Variants in MDH2 observed in about 807,000 individuals in gnomAD.
MDH2 encodes malate dehydrogenase 2.
Under a neutral mutation model 33.6 loss-of-function variants are expected in MDH2, and 25 were observed. The ratio of observed to expected loss-of-function variants is 0.74; its 90% confidence interval spans 0.54 to 1.04. MDH2 has a LOEUF of 1.04. MDH2 is among the 50% of genes least tolerant of loss of function. The probability of loss-of-function intolerance (pLI) is 0.00; values close to 1 mark genes in which losing one functional copy is unlikely to be tolerated. For missense variants in MDH2, 432 were observed against 445.0 expected, an observed-to-expected ratio of 0.97 and a Z score of 0.26; for synonymous variants, 193 against 188.7, an observed-to-expected ratio of 1.02 and a Z score of -0.19.
chr7:76,058,550 C>T (rs2116678039), intron 4 of MDH2, among the ~76,000 whole-genome samples: 1 of 152,286 alleles, frequency 6.6e-6, no homozygotes, highest in East Asian at 1.9e-4. Flanking sequence ...TAGGCATGCA[C>T]ACCTGTGATA....
At position 76,066,398 on chromosome 7, in the gene MDH2, G is replaced by C. The variant is rs530213856; in HGVS notation, c.1005G>C (p.Lys335Asn). ...TCAAGAAGGGGGAAGATTTCGTGAAGACCCTGAAGTGAGCCGCTGTGACGG... is the reference window on the plus strand; with the variant it reads ...TCAAGAAGGGGGAAGATTTCGTGAACACCCTGAAGTGAGCCGCTGTGACGG... ...ASIKKGEDFV[K>N]TLK Residue 335 changes from lysine to asparagine, a missense_variant, in exon 9 of 9, where the codon AAG (lysine) becomes AAC (asparagine). By Grantham distance (94) the Lys-to-Asn change is moderately conservative. Coordinates refer to ENST00000315758, the MANE Select transcript of MDH2 (RefSeq NM_005918.4). 98 of 1,611,560 alleles carry C rather than the reference G, an allele frequency of 6.1e-5. 1 individual carries two copies. The South Asian group carries it at 1.0e-3, about 16-fold the overall frequency.
In MDH2 at chr7:76,054,818, G is replaced by T. The variant is rs782545373; in HGVS notation, c.67-12G>T. The T allele has an allele frequency of 1.2e-6, 2 of 1,613,852 alleles. No homozygotes were observed. Among genetic ancestry groups the T allele is most frequent in the Non-Finnish European group, 1.7e-6 (2 of 1,179,974 alleles). On this transcript the variant is annotated splice_polypyrimidine_tract_variant and intron_variant, in intron 1 of 8. Transcript: ENST00000315758. ...TTCCTCCTAAGAGTCCTTTCTCTGT[G>T]CCTCTTTTTAGAACAATGCTAAAGT...
Position 76,064,306 on chromosome 7 carries a change from A to G in MDH2, c.634-33A>G, listed in dbSNP as rs563526258. 6,527 of 1,566,472 alleles carry G rather than the reference A, an allele frequency of 4.2e-3. 281 individuals carry two copies. The South Asian group carries it at 0.07, about 17-fold the overall frequency. On this transcript the variant is annotated intron_variant, in intron 6 of 8. Coordinates refer to ENST00000315758, the MANE Select transcript of MDH2 (RefSeq NM_005918.4). Reference sequence around the variant, plus strand: ...AGTGGGTCTGGGGTCATGGGCCGGAAGCCACTCACTGATCCCATGGCTTGG... The same window carrying G: ...AGTGGGTCTGGGGTCATGGGCCGGAGGCCACTCACTGATCCCATGGCTTGG...
intron 6 of MDH2, 134 bp downstream of exon 6, chr7:76,063,726 G>A (rs1798014552): frequency 1.2e-6 from 1 of 816,086 alleles, no homozygotes; most frequent in Non-Finnish European, 2.1e-6. Context: ...GTTGTAGGCA[G>A]CCCCGCCCCT....
intron 4 of MDH2, 57 bp from the exon 5 acceptor site, chr7:76,060,316 G>C: frequency 6.2e-7 from 1 of 1,600,740 alleles, no homozygotes; most frequent in Non-Finnish European, 8.5e-7. Flanking sequence ...TCCTGCTGTG[G>C]CTTGGCCCTG....
intron 7 of MDH2, 72 bp downstream of exon 7, chr7:76,064,510 C>T: frequency 7.8e-7 from 1 of 1,287,724 alleles, no homozygotes; most frequent in Non-Finnish European, 1.1e-6. Flanking sequence ...GGGAGAAATG[C>T]TGCTTGTCCC....
intron 4 of MDH2, among the ~76,000 whole-genome samples, chr7:76,059,102 C>T (rs1797869148): frequency 6.6e-6 from 1 of 152,150 alleles, no homozygotes; most frequent in Admixed American, 6.5e-5. Context: ...TGCCACTATG[C>T]CCAGCTAATT....
chr7:76,049,296 T>A (rs1468437798), intron 1 of MDH2, among the ~76,000 whole-genome samples: 1 of 152,170 alleles, frequency 6.6e-6, no homozygotes, highest in African/African-American at 2.4e-5. Flanking sequence ...AACCCCATTG[T>A]AAGTTGAATG....
intron 1 of MDH2, among the ~76,000 whole-genome samples, chr7:76,053,951 A>G (rs1184291616): frequency 2.0e-5 from 3 of 152,210 alleles, no homozygotes; most frequent in African/African-American, 7.2e-5. Flanking sequence ...CCAAGCTGAA[A>G]TGCCCAGGGC....
chr7:76,057,515 C>T, intron 3 of MDH2, 22 bp downstream of exon 3: 1 of 1,607,716 alleles, frequency 6.2e-7, no homozygotes, highest in Non-Finnish European at 8.5e-7. Context: ...AAAGCCTTGT[C>T]TGGTACCTCC....
intron 2 of MDH2, among the ~76,000 whole-genome samples, chr7:76,056,511 A>C (rs1271175781): frequency 6.6e-6 from 1 of 152,118 alleles, no homozygotes. Context: ...TGGGTTGCCC[A>C]TTTTCTTTTG....
intron 2 of MDH2, among the ~76,000 whole-genome samples, chr7:76,056,222 TATAA>T (rs1797776452): frequency 6.6e-6 from 1 of 152,228 alleles, no homozygotes; most frequent in Non-Finnish European, 1.5e-5. Context: ...CTTCTGTAAA[TATAA>T]ATATATTAAT....
intron 4 of MDH2, among the ~76,000 whole-genome samples, chr7:76,058,796 GCAT>G (rs151331333): frequency 0.078 from 11,864 of 152,234 alleles, 547 homozygotes; most frequent in Middle Eastern, 0.14. Flanking sequence ...TGGAACACAA[GCAT>G]CATGATCCCT....
At chr7:76,059,282 C>T (rs1797874968) in intron 4 of MDH2, among the ~76,000 whole-genome samples, 1 of 152,164 alleles carries the variant, frequency 6.6e-6, no homozygotes, top group South Asian at 2.1e-4. Context: ...TGAAATCTTC[C>T]GTGTAATAAT....
chr7:76,055,244 A>T (rs1797734515), intron 2 of MDH2, among the ~76,000 whole-genome samples: 1 of 152,194 alleles, frequency 6.6e-6, no homozygotes. Context: ...TTTGAAAAGT[A>T]GTATGAGGAT....
chr7:76,061,287 G>A (rs1797941186), intron 5 of MDH2, among the ~76,000 whole-genome samples: 1 of 152,198 alleles, frequency 6.6e-6, no homozygotes, highest in African/African-American at 2.4e-5. Context: ...AGCACCCTTG[G>A]CCTCCGTTTT....
In MDH2 at chr7:76,054,958, C is replaced by T. The variant is rs371066346; in HGVS notation, c.195C>T (p.Ala65=). ...ATATCGCGCACACACCCGGAGTGGCCGCAGATCTGAGCCACATCGAGACCA... is the reference window on the plus strand; with the variant it reads ...ATATCGCGCACACACCCGGAGTGGCTGCAGATCTGAGCCACATCGAGACCA... The part of the protein sequence containing the change: ...LYDIAHTPGV[A]ADLSHIETKA... Residue 65 remains alanine, a synonymous_variant, in exon 2 of 9, where the codon GCC becomes GCT. Transcript: ENST00000315758. 9.9e-6 allele frequency: 16 copies of T among 1,613,862 alleles called. No individual in the cohort carries two copies. Among genetic ancestry groups the T allele is most frequent in the Admixed American group, 1.7e-5 (1 of 59,976 alleles).
chr7:76,048,255 C>T (rs1554584516), intron 1 of MDH2, 29 bp downstream of exon 1: 10 of 1,528,462 alleles, frequency 6.5e-6, no homozygotes, highest in African/African-American at 1.4e-5. Flanking sequence ...GGCCTGCAGG[C>T]GGAGGCCCCC....
intron 1 of MDH2, 102 bp downstream of exon 1, chr7:76,048,328 A>C (rs1797396278): frequency 7.0e-7 from 1 of 1,418,558 alleles, no homozygotes; most frequent in Non-Finnish European, 9.3e-7. Flanking sequence ...GCCAGCCTGG[A>C]CCGCAGGGAT....
Sources: gnomAD v4.1 joint callset for allele counts (sites outside exome capture counted in the v4.1 genomes callset) on GRCh38, gnomAD v4.1.1 for gene constraint, MANE v1.5 for transcripts, NCBI Gene and HGNC (gene_info 2026-07-23, HGNC 2026-07-21) for gene names.